The following SLAIN2 variants were observed in gnomAD, a reference collection of about 807,000 sequenced individuals.
The protein encoded by SLAIN2 is SLAIN family member 2.
Under a neutral mutation model 56.6 loss-of-function variants are expected in SLAIN2, and 31 were observed. The observed-to-expected ratio is 0.55, with a 90% confidence interval of 0.41 to 0.74. SLAIN2 has a LOEUF of 0.74. Ranked by LOEUF, SLAIN2 falls within the 30% of genes least tolerant of loss-of-function variation. The pLI is 0.00. For synonymous variants in SLAIN2, 317 were observed against 284.9 expected (o/e 1.11, Z -1.13); for missense variants, 777 against 754.2 (o/e 1.03, Z -0.35).
chr4:48,376,404 G>A (rs1437736530), intron 2 of SLAIN2, among the ~76,000 whole-genome samples: 43 of 146,368 alleles, frequency 2.9e-4, no homozygotes, highest in Non-Finnish European at 4.6e-4. Context: ...ACAGTGAGCC[G>A]AAATCACGCC....
At chr4:48,412,160 A>G (rs1023375080) in intron 6 of SLAIN2, among the ~76,000 whole-genome samples, 17 of 152,206 alleles carry the variant, frequency 1.1e-4, no homozygotes, top group African/African-American at 3.4e-4. Context: ...CTAAAATACA[A>G]TAAGTTATAT....
At chr4:48,361,982 T>A (rs1450244233) in intron 1 of SLAIN2, among the ~76,000 whole-genome samples, 1 of 152,224 alleles carries the variant, frequency 6.6e-6, no homozygotes, top group Non-Finnish European at 1.5e-5. Flanking sequence ...TGATAGTGTT[T>A]AGAAATACAA....
rs1035811488 is a variant in SLAIN2 at position 48,341,829 on chromosome 4, G to A, written c.90G>A (p.Gln30=). ...AGAAGCTGGAGAAGCAGAACGAACA[G>A]CTGAGGAGCCGCTCGGGGGCCGTGC... ...LVKKLEKQNE[Q]LRSRSGAVQG... The change falls in exon 1 of 8, where the codon CAG becomes CAA. Residue 30 remains glutamine (Q), a synonymous_variant. Transcript: ENST00000264313. The A allele has an allele frequency of 6.5e-6, 10 of 1,530,460 alleles. No individual in the cohort carries two copies. In the African/African-American group the frequency reaches 1.4e-4, roughly 22 times the overall value. 94.8% of individuals were successfully genotyped at this position (1,530,460 alleles called of 1,614,324 possible). A position where few individuals can be genotyped will look rare whatever the true frequency, so the allele number is the denominator to read the frequency against.
chr4:48,375,862 C>T (rs1262097700), intron 2 of SLAIN2, among the ~76,000 whole-genome samples: 1 of 152,334 alleles, frequency 6.6e-6, no homozygotes, highest in East Asian at 1.9e-4. Context: ...ATACTTTCCC[C>T]ATCCTGTCAA....
intron 1 of SLAIN2, among the ~76,000 whole-genome samples, chr4:48,352,771 C>T (rs1715044877): frequency 6.6e-6 from 1 of 152,302 alleles, no homozygotes; most frequent in South Asian, 2.1e-4. Flanking sequence ...GCTCCATTTA[C>T]ATTTTCTAAG....
At chr4:48,371,434 A>G (rs1715661332) in intron 2 of SLAIN2, among the ~76,000 whole-genome samples, 3 of 152,190 alleles carry the variant, frequency 2.0e-5, no homozygotes, top group Admixed American at 2.0e-4. Context: ...TAGTATGACT[A>G]TCAGCTTATT....
intron 1 of SLAIN2, among the ~76,000 whole-genome samples, chr4:48,362,334 CAT>C (rs549135854): frequency 2.6e-4 from 39 of 151,764 alleles, no homozygotes; most frequent in Non-Finnish European, 4.3e-4. Flanking sequence ...TATGTGAAAA[CAT>C]GTGGACTTGA....
intron 6 of SLAIN2, among the ~76,000 whole-genome samples, chr4:48,396,713 C>T (rs1716399114): frequency 6.6e-6 from 1 of 152,120 alleles, no homozygotes. Flanking sequence ...ATCAATTCAT[C>T]CATCCTGGGG....
At position 48,425,901 on chromosome 4, in the gene SLAIN2, A is replaced by C. The variant is rs1717286769; in HGVS notation, c.*3824A>C. ...ATACAAACTGGTTAAAACTATGTTA[A>C]CTGAATGCTAGTTTGAAACAAATTA... On this transcript the variant is annotated 3_prime_UTR_variant, in exon 8 of 8. Transcript: ENST00000264313. 6.6e-6 allele frequency: 1 copy of C among 152,224 alleles called. No individual in the cohort carries two copies. Among genetic ancestry groups the C allele is most frequent in the Non-Finnish European group, 1.5e-5 (1 of 68,034 alleles). The allele number at this position is 152,224 out of a possible 1,614,324, so 9.4% of individuals were successfully genotyped here. A position where few individuals can be genotyped will look rare whatever the true frequency, so the allele number is the denominator to read the frequency against.
chr4:48,392,663 C>G (rs1008195833), intron 6 of SLAIN2, among the ~76,000 whole-genome samples: 1 of 152,032 alleles, frequency 6.6e-6, no homozygotes, highest in East Asian at 1.9e-4. Flanking sequence ...AGCTTACTTC[C>G]TATCTTTTTT....
At chr4:48,412,394 AC>A (rs1309757740) in intron 6 of SLAIN2, among the ~76,000 whole-genome samples, 7 of 57,348 alleles carry the variant, frequency 1.2e-4, no homozygotes, top group African/African-American at 3.7e-4. Context: ...ACACACACAC[AC>A]ACACACACAC....
At chr4:48,386,362 G>C (rs1465203572) in intron 6 of SLAIN2, among the ~76,000 whole-genome samples, 1 of 152,204 alleles carries the variant, frequency 6.6e-6, no homozygotes, top group East Asian at 1.9e-4. Flanking sequence ...TAAGCGGCAA[G>C]TTAGAATTTA....
At chr4:48,410,405 T>G (rs1309642534) in intron 6 of SLAIN2, among the ~76,000 whole-genome samples, 1 of 152,160 alleles carries the variant, frequency 6.6e-6, no homozygotes, top group Non-Finnish European at 1.5e-5. Flanking sequence ...TTCTTTATGG[T>G]ATCCTTTGAA....
chr4:48,399,102 A>C (rs1716483232), intron 6 of SLAIN2, among the ~76,000 whole-genome samples: 1 of 152,082 alleles, frequency 6.6e-6, no homozygotes, highest in South Asian at 2.1e-4. Flanking sequence ...GGCCATTTTC[A>C]TGATATTATG....
chr4:48,394,204 G>A (rs757105805), intron 6 of SLAIN2, among the ~76,000 whole-genome samples: 2 of 152,072 alleles, frequency 1.3e-5, no homozygotes, highest in Non-Finnish European at 2.9e-5. Flanking sequence ...CTTTTTTTGC[G>A]TTGAACAAGT....
intron 1 of SLAIN2, among the ~76,000 whole-genome samples, chr4:48,348,706 A>G (rs1364928466): frequency 2.0e-5 from 3 of 146,698 alleles, no homozygotes; most frequent in Non-Finnish European, 4.4e-5. Context: ...AAAAAAAAAA[A>G]GAAGATACCT....
At chr4:48,410,611 C>G (rs1257516527) in intron 6 of SLAIN2, among the ~76,000 whole-genome samples, 1 of 152,186 alleles carries the variant, frequency 6.6e-6, no homozygotes, top group African/African-American at 2.4e-5. Context: ...TGCAGCCCTT[C>G]CCTTCCCCAA....
chr4:48,351,016 A>G lies in SLAIN2; in HGVS notation c.389+8888A>G, dbSNP rs540373513. 2.4e-3 allele frequency among the ~76,000 whole-genome samples: 363 copies of G among 152,356 alleles called. 23 individuals carry two copies. The South Asian group carries it at 0.063, about 26-fold the overall frequency. ...ATAATTCATGAGGATGAATCAAATC[A>G]TCTCCCACTTCTGCAGTGTACTAGA... is the stretch of plus-strand genomic sequence containing the variant. On this transcript the variant is annotated intron_variant, in intron 1 of 7. Coordinates refer to ENST00000264313, the MANE Select transcript of SLAIN2 (RefSeq NM_020846.2).
intron 6 of SLAIN2, among the ~76,000 whole-genome samples, chr4:48,386,084 T>C (rs1290154709): frequency 7.0e-6 from 1 of 142,592 alleles, no homozygotes; most frequent in Non-Finnish European, 1.5e-5. Flanking sequence ...CTCCAGTCTA[T>C]TGAAAGAAAA....
Sources: gnomAD v4.1 joint callset for allele counts (sites outside exome capture counted in the v4.1 genomes callset) on GRCh38, gnomAD v4.1.1 for gene constraint, MANE v1.5 for transcripts, NCBI Gene and HGNC (gene_info 2026-07-23, HGNC 2026-07-21) for gene names.